Variants in GTF2H5 observed in about 807,000 individuals in gnomAD.
The protein encoded by GTF2H5 is TFB5 ortholog.
A neutral mutation model predicts 7.1 loss-of-function variants in GTF2H5; 5 were observed. That is an observed-to-expected ratio of 0.71 (90% CI 0.37 to 1.49). The LOEUF (loss-of-function observed/expected upper bound fraction) is 1.49. GTF2H5 is among the 40% of genes most tolerant of loss of function. The pLI, the probability that GTF2H5 is intolerant of heterozygous loss-of-function variation, is 0.03. For missense variants in GTF2H5, 80 were observed against 83.0 expected, an observed-to-expected ratio of 0.96 and a Z score of 0.14; for synonymous variants, 30 against 31.7, an observed-to-expected ratio of 0.95 and a Z score of 0.18.
intron 2 of GTF2H5, among the ~76,000 whole-genome samples, chr6:158,186,531 C>G (rs1320457273): frequency 1.3e-5 from 2 of 152,208 alleles, no homozygotes; most frequent in African/African-American, 4.8e-5. Flanking sequence ...AGGGCTAACA[C>G]AAAACAACTG....
At chr6:158,186,583 C>G (rs569765164) in intron 2 of GTF2H5, among the ~76,000 whole-genome samples, 1 of 152,336 alleles carries the variant, frequency 6.6e-6, no homozygotes, top group South Asian at 2.1e-4. Flanking sequence ...AAGTCTCAAT[C>G]AATTTTGAAG....
At chr6:158,190,612 C>T (rs751500317) in intron 2 of GTF2H5, 2 of 470,074 alleles carry the variant, frequency 4.3e-6, no homozygotes, top group Admixed American at 4.8e-5. Flanking sequence ...GAGGCTCATA[C>T]TCATCTAGGG....
chr6:158,197,170 A>G lies in GTF2H5; in HGVS notation c.*5013A>G, dbSNP rs757552258. The G allele has an allele frequency of 2.9e-4, 45 of 156,114 alleles. No individual in the cohort carries two copies. The highest frequency in any genetic ancestry group is 4.7e-4 in the Non-Finnish European group (32 of 68,102). 9.7% of individuals were successfully genotyped at this position (156,114 alleles called of 1,614,324 possible). On this transcript the variant is annotated 3_prime_UTR_variant, in exon 3 of 3. Transcript: ENST00000607778. Reference sequence around the variant, plus strand: ...CTGCTTGGTGATTTTGAAAGGACTGAGATCATTTTGGGAGAGATCATCTTC... The same window carrying G: ...CTGCTTGGTGATTTTGAAAGGACTGGGATCATTTTGGGAGAGATCATCTTC...
chr6:158,192,453 T>C lies in GTF2H5; in HGVS notation c.*296T>C. 1 of 360,222 alleles carries C rather than the reference T, an allele frequency of 2.8e-6. No homozygotes were observed. The allele number at this position is 360,222 out of a possible 1,614,324, so 22.3% of individuals were successfully genotyped here. The stretch of plus-strand genomic sequence containing the variant: ...TTTTTAATACCATGTCAGTGTAACA[T>C]AGGTATTTATTTTGCTCATCCCTGT... On this transcript the variant is annotated 3_prime_UTR_variant, in exon 3 of 3. Transcript: ENST00000607778.
In GTF2H5 at chr6:158,194,548, A is replaced by G. The variant is rs1181508497; in HGVS notation, c.*2391A>G. On this transcript the variant is annotated 3_prime_UTR_variant, in exon 3 of 3. Coordinates refer to ENST00000607778, the MANE Select transcript of GTF2H5 (RefSeq NM_207118.3). Reference sequence around the variant, plus strand: ...CTGCCAGACACAAACTCAAGGCTTTATGGTGTATCTCTTGAGCGAAATCCT... The same window carrying G: ...CTGCCAGACACAAACTCAAGGCTTTGTGGTGTATCTCTTGAGCGAAATCCT... 6.6e-6 allele frequency: 1 copy of G among 152,256 alleles called. No individual in the cohort carries two copies. Among genetic ancestry groups the G allele is most frequent in the Non-Finnish European group, 1.5e-5 (1 of 68,066 alleles). The allele number at this position is 152,256 out of a possible 1,614,324, so 9.4% of individuals were successfully genotyped here.
Position 158,181,066 on chromosome 6 carries a change from GT to G in GTF2H5, c.35+10530del, listed in dbSNP as rs562183790. Among the ~76,000 whole-genome samples the G allele has an allele frequency of 7.8e-4, 119 of 152,130 alleles. 1 individual carries two copies. Among genetic ancestry groups the G allele is most frequent in the African/African-American group, 2.7e-3 (113 of 41,508 alleles). On this transcript the variant is annotated intron_variant, in intron 2 of 2. Transcript: ENST00000607778. ...AAATATGTACCAGAGATTCTGGTAC[GT>G]TGTATCTTTGTTCTCACTGGTTTCA...
intron 2 of GTF2H5, among the ~76,000 whole-genome samples, chr6:158,184,689 T>C (rs1383665366): frequency 6.6e-6 from 1 of 152,222 alleles, no homozygotes; most frequent in Non-Finnish European, 1.5e-5. Flanking sequence ...ATATGGAATT[T>C]ATGGAGTAAT....
Position 158,196,185 on chromosome 6 carries a change from G to A in GTF2H5, c.*4028G>A, listed in dbSNP as rs1777106647. On this transcript the variant is annotated 3_prime_UTR_variant, in exon 3 of 3. Coordinates refer to ENST00000607778, the MANE Select transcript of GTF2H5 (RefSeq NM_207118.3). ...TAGTCCCAGCTACTCGGGAGGCTGA[G>A]GCAGGAGAATGGTGTAATCCCGGGA... 6.6e-6 allele frequency: 1 copy of A among 152,280 alleles called. No homozygotes were observed. The highest frequency in any genetic ancestry group is 1.5e-5 in the Non-Finnish European group (1 of 68,102). 9.4% of individuals were successfully genotyped at this position (152,280 alleles called of 1,614,324 possible).
intron 2 of GTF2H5, among the ~76,000 whole-genome samples, chr6:158,180,154 G>A (rs530378242): frequency 1.4e-4 from 22 of 152,132 alleles, no homozygotes; most frequent in Non-Finnish European, 3.2e-4. Flanking sequence ...CATTGGTTCT[G>A]TTTATGTGAT....
In GTF2H5 at chr6:158,192,898, C is replaced by A. The variant is rs1777050138; in HGVS notation, c.*741C>A. On this transcript the variant is annotated 3_prime_UTR_variant, in exon 3 of 3. Transcript: ENST00000607778. ...ACTCTGGCCTGGACAACAGAGAGAC[C>A]CTGCCTCAAAAAAAAAAAAAAAAAA... 1 of 113,916 alleles carries A rather than the reference C, an allele frequency of 8.8e-6. No homozygotes were observed. The highest frequency in any genetic ancestry group is 1.7e-5 in the Non-Finnish European group (1 of 59,136). 7.1% of individuals were successfully genotyped at this position (113,916 alleles called of 1,614,324 possible).
chr6:158,172,315 T>TC (rs1232024892), intron 2 of GTF2H5, among the ~76,000 whole-genome samples: 1 of 151,712 alleles, frequency 6.6e-6, no homozygotes, highest in Non-Finnish European at 1.5e-5. Context: ...TAAATTAGCT[T>TC]CTTTTTTTTT....
In GTF2H5 at chr6:158,193,821, C is replaced by T. The variant is rs551439928; in HGVS notation, c.*1664C>T. ...CATCCTGCTCGGTGAAACCCCATCTCTATTAAAAATACAAAAAATTAGCCG... is the reference window on the plus strand; with the variant it reads ...CATCCTGCTCGGTGAAACCCCATCTTTATTAAAAATACAAAAAATTAGCCG... On this transcript the variant is annotated 3_prime_UTR_variant, in exon 3 of 3. Coordinates refer to ENST00000607778, the MANE Select transcript of GTF2H5 (RefSeq NM_207118.3). 6.6e-6 allele frequency: 1 copy of T among 152,238 alleles called. No individual in the cohort carries two copies. The highest frequency in any genetic ancestry group is 1.5e-5 in the Non-Finnish European group (1 of 68,068). 9.4% of individuals were successfully genotyped at this position (152,238 alleles called of 1,614,324 possible). A position where few individuals can be genotyped will look rare whatever the true frequency, so the allele number is the denominator to read the frequency against.
intron 1 of GTF2H5, among the ~76,000 whole-genome samples, chr6:158,168,899 AC>A (rs1291279153): frequency 6.6e-6 from 1 of 152,018 alleles, no homozygotes; most frequent in African/African-American, 2.4e-5. Context: ...GGAGTTCGAG[AC>A]CAGCCTGGCC....
chr6:158,169,588 ATATTGTATAT>A (rs1489524536), intron 1 of GTF2H5, among the ~76,000 whole-genome samples: 17 of 88,326 alleles, frequency 1.9e-4, no homozygotes, highest in African/African-American at 8.2e-4. Context: ...TATATATAAT[ATATTGTATAT>A]TACATATATT....
At chr6:158,182,237 G>A (rs147121817) in intron 2 of GTF2H5, among the ~76,000 whole-genome samples, 1 of 152,348 alleles carries the variant, frequency 6.6e-6, no homozygotes, top group East Asian at 1.9e-4. Flanking sequence ...TTTATGCGGA[G>A]CGATCCGCTG....
chr6:158,192,887 A>G lies in GTF2H5; in HGVS notation c.*730A>G, dbSNP rs1247860160. 1.1e-4 allele frequency: 16 copies of G among 142,370 alleles called. No individual in the cohort carries two copies. The highest frequency in any genetic ancestry group is 1.0e-3 in the Admixed American group (14 of 13,730). The allele number at this position is 142,370 out of a possible 1,614,324, so 8.8% of individuals were successfully genotyped here. ...AACACCATTGCACTCTGGCCTGGAC[A>G]ACAGAGAGACCCTGCCTCAAAAAAA... is the stretch of plus-strand genomic sequence containing the variant. On this transcript the variant is annotated 3_prime_UTR_variant, in exon 3 of 3. Coordinates refer to ENST00000607778, the MANE Select transcript of GTF2H5 (RefSeq NM_207118.3).
intron 2 of GTF2H5, among the ~76,000 whole-genome samples, chr6:158,188,166 G>A (rs1309587810): frequency 1.3e-5 from 2 of 152,168 alleles, no homozygotes; most frequent in African/African-American, 4.8e-5. Flanking sequence ...GGGCACCACG[G>A]TCATATGAGT....
Position 158,197,590 on chromosome 6 carries a change from G to A in GTF2H5, c.*5433G>A, listed in dbSNP as rs1777132873. 1 of 152,084 alleles carries A rather than the reference G, an allele frequency of 6.6e-6. No individual in the cohort carries two copies. The highest frequency in any genetic ancestry group is 1.5e-5 in the Non-Finnish European group (1 of 68,022). The allele number at this position is 152,084 out of a possible 1,614,324, so 9.4% of individuals were successfully genotyped here. On this transcript the variant is annotated 3_prime_UTR_variant, in exon 3 of 3. Transcript: ENST00000607778. Reference sequence around the variant, plus strand: ...GGATCCTCAAGTCATTTTGCTTGTTGACTTTTTGGAGGGCCAAATAAAGAT... The same window carrying A: ...GGATCCTCAAGTCATTTTGCTTGTTAACTTTTTGGAGGGCCAAATAAAGAT...
In GTF2H5 at chr6:158,169,452, A is replaced by ATT. The variant is rs1181367805; in HGVS notation, c.-34-1017_-34-1016dup. Among the ~76,000 whole-genome samples the ATT allele has an allele frequency of 6.8e-5, 4 of 58,442 alleles. 1 individual carries two copies. The highest frequency in any genetic ancestry group is 3.2e-4 in the African/African-American group (4 of 12,322). The allele number at this position is 58,442 out of a possible 152,430, so 38.3% of individuals were successfully genotyped here. On this transcript the variant is annotated intron_variant, in intron 1 of 2. Coordinates refer to ENST00000607778, the MANE Select transcript of GTF2H5 (RefSeq NM_207118.3). ...ATATTGTATATTATATATATTATAT[A>ATT]TTATATATATTATATTGTATATTAT... is the stretch of plus-strand genomic sequence containing the variant.
Sources: gnomAD v4.1 joint callset for allele counts (sites outside exome capture counted in the v4.1 genomes callset) on GRCh38, gnomAD v4.1.1 for gene constraint, MANE v1.5 for transcripts, NCBI Gene and HGNC (gene_info 2026-07-23, HGNC 2026-07-21) for gene names.